Variants in TAB2 observed in about 807,000 individuals in gnomAD.
The protein encoded by TAB2 is TGF-beta activated kinase 1 (MAP3K7) binding protein 2.
Under a neutral mutation model 65.0 loss-of-function variants are expected in TAB2, and 3 were observed. The ratio of observed to expected loss-of-function variants is 0.05; its 90% confidence interval spans 0.02 to 0.12. TAB2 has a LOEUF of 0.12. Among genes scored for constraint, TAB2 ranks in the 10% least tolerant of loss-of-function variants. The pLI is 1.00. For missense variants in TAB2, 623 were observed against 840.3 expected, an observed-to-expected ratio of 0.74 and a Z score of 3.20; for synonymous variants, 298 against 285.1, an observed-to-expected ratio of 1.05 and a Z score of -0.46.
At chr6:149,349,170 C>G (rs888384907) in intron 1 of TAB2, among the ~76,000 whole-genome samples, 1 of 151,906 alleles carries the variant, frequency 6.6e-6, no homozygotes, top group Non-Finnish European at 1.5e-5. Flanking sequence ...CCTGTAACCC[C>G]AGTGCTTTGG....
chr6:149,282,384 T>C (rs1409861170), intron 1 of TAB2, among the ~76,000 whole-genome samples: 3 of 151,984 alleles, frequency 2.0e-5, no homozygotes, highest in African/African-American at 7.2e-5. Flanking sequence ...AGTAAGAATA[T>C]AGAAGACTCC....
At chr6:149,386,009 C>A (rs1407363018) in intron 3 of TAB2, among the ~76,000 whole-genome samples, 1 of 152,120 alleles carries the variant, frequency 6.6e-6, no homozygotes, top group Non-Finnish European at 1.5e-5. Context: ...CCATTAGATT[C>A]ACTCAATCCC....
chr6:149,283,119 G>A (rs578220939), intron 1 of TAB2, among the ~76,000 whole-genome samples: 9 of 152,256 alleles, frequency 5.9e-5, no homozygotes, highest in East Asian at 1.9e-4. Flanking sequence ...GGTTTAGTGC[G>A]GGAGGCTCCC....
At chr6:149,391,203 G>C (rs1781971491) in intron 3 of TAB2, among the ~76,000 whole-genome samples, 1 of 152,126 alleles carries the variant, frequency 6.6e-6, no homozygotes, top group Non-Finnish European at 1.5e-5. Context: ...TATCACTGAG[G>C]AAATCTGGTG....
intron 1 of TAB2, among the ~76,000 whole-genome samples, chr6:149,262,202 A>G (rs1280630985): frequency 1.3e-5 from 2 of 152,240 alleles, no homozygotes; most frequent in Non-Finnish European, 2.9e-5. Context: ...ACCAAGCATC[A>G]AAGTCAGTAA....
In TAB2 at chr6:149,409,657, A is replaced by G; in HGVS notation, c.2020A>G (p.Thr674Ala). ...EGAQWNCTAC[T>A]FLNHPALIRC... ...AGCTCAGTGGAATTGTACCGCCTGT[A>G]CTTTTTTGAACCATCCAGCCTTAAT... The change falls in exon 7 of 7, where the codon ACT becomes GCT. Residue 674 changes from threonine (T) to alanine (A), a missense_variant. Physicochemically the swap from Thr to Ala is moderately conservative, Grantham distance 58. Coordinates refer to ENST00000637181, the MANE Select transcript of TAB2 (RefSeq NM_001292034.3). The G allele has an allele frequency of 1.9e-6, 3 of 1,614,204 alleles. No homozygotes were observed. The highest frequency in any genetic ancestry group is 2.5e-6 in the Non-Finnish European group (3 of 1,179,986).
At chr6:149,299,736 G>T (rs1289437274) in intron 1 of TAB2, among the ~76,000 whole-genome samples, 2 of 152,190 alleles carry the variant, frequency 1.3e-5, no homozygotes, top group East Asian at 3.9e-4. Context: ...ACTACACCAG[G>T]GGCAGGGCTC....
At chr6:149,383,103 C>T (rs950698154) in intron 3 of TAB2, among the ~76,000 whole-genome samples, 4 of 151,652 alleles carry the variant, frequency 2.6e-5, no homozygotes, top group East Asian at 1.9e-4. Flanking sequence ...TGCAGTGAGC[C>T]GAGTTTGTAC....
At chr6:149,265,364 T>G (rs996129660) in intron 1 of TAB2, among the ~76,000 whole-genome samples, 3 of 152,208 alleles carry the variant, frequency 2.0e-5, no homozygotes, top group Admixed American at 6.5e-5. Context: ...ACACCTTAGC[T>G]GTTTTCCAAC....
intron 3 of TAB2, among the ~76,000 whole-genome samples, chr6:149,383,780 A>G (rs1451059798): frequency 6.6e-6 from 1 of 152,030 alleles, no homozygotes; most frequent in Admixed American, 6.6e-5. Flanking sequence ...ATGTGGTTTC[A>G]CCTTGTTGGC....
intron 1 of TAB2, among the ~76,000 whole-genome samples, chr6:149,350,699 T>TG (rs938683439): frequency 6.7e-6 from 1 of 148,458 alleles, no homozygotes; most frequent in African/African-American, 2.5e-5. Flanking sequence ...ACTACATCCT[T>TG]GAACTCCTGG....
intron 1 of TAB2, among the ~76,000 whole-genome samples, chr6:149,224,115 T>C (rs1777216487): frequency 6.6e-6 from 1 of 152,190 alleles, no homozygotes; most frequent in Non-Finnish European, 1.5e-5. Flanking sequence ...CAAAGTTCAA[T>C]ATGCCTGGAC....
chr6:149,241,726 T>C (rs747715198), intron 1 of TAB2, among the ~76,000 whole-genome samples: 5 of 152,228 alleles, frequency 3.3e-5, no homozygotes, highest in Admixed American at 6.5e-5. Context: ...GATTTACAGA[T>C]GAAATTGTGA....
chr6:149,401,963 AAGAG>A (rs142080648), intron 6 of TAB2, among the ~76,000 whole-genome samples: 114 of 151,834 alleles, frequency 7.5e-4, no homozygotes, highest in South Asian at 1.9e-3. Context: ...AGGCAGTACT[AAGAG>A]AGAAGTTTCT....
chr6:149,249,024 A>G (rs754839130), intron 1 of TAB2, among the ~76,000 whole-genome samples: 4 of 149,060 alleles, frequency 2.7e-5, no homozygotes, highest in African/African-American at 5.0e-5. Context: ...CCATGCTTGC[A>G]AGATTCCTTC....
chr6:149,380,546 C>G (rs1421663723), intron 3 of TAB2, among the ~76,000 whole-genome samples: 3 of 152,086 alleles, frequency 2.0e-5, no homozygotes. Context: ...TATGTTTTAT[C>G]TAACCTCTTA....
At chr6:149,400,342 C>A (rs1562454037) in intron 6 of TAB2, 2 of 1,587,246 alleles carry the variant, frequency 1.3e-6, no homozygotes, top group Non-Finnish European at 1.7e-6. Context: ...TAGGTGCGGA[C>A]CCGCCACCTC....
intron 1 of TAB2, among the ~76,000 whole-genome samples, chr6:149,320,036 T>C (rs1779384093): frequency 6.6e-6 from 1 of 152,220 alleles, no homozygotes; most frequent in Non-Finnish European, 1.5e-5. Flanking sequence ...CTAAGGGTAT[T>C]GCTAAGACTG....
chr6:149,333,613 A>G (rs1288638485), intron 1 of TAB2, among the ~76,000 whole-genome samples: 1 of 152,142 alleles, frequency 6.6e-6, no homozygotes, highest in African/African-American at 2.4e-5. Context: ...TTTACAAGAC[A>G]AAAATACCCT....
Sources: allele counts gnomAD v4.1 joint callset (sites outside exome capture counted in the v4.1 genomes callset), GRCh38; gene constraint gnomAD v4.1.1; transcripts MANE v1.5; gene names NCBI Gene and HGNC (gene_info 2026-07-23, HGNC 2026-07-21).